LMNTD1: variants seen among roughly 807,000 people sequenced by gnomAD.
LMNTD1 encodes the protein lamin tail domain containing 1, also known as lamin tail domain-containing protein 1.
LMNTD1 carries 35 observed loss-of-function variants against 50.9 expected under a neutral mutation model. The observed-to-expected ratio is 0.69, with a 90% confidence interval of 0.53 to 0.91. The LOEUF is 0.91. Ranked by LOEUF, LMNTD1 falls within the 40% of genes least tolerant of loss-of-function variation. The pLI is 0.00. For synonymous variants in LMNTD1, 153 were observed against 161.9 expected (o/e 0.94, Z 0.42); for missense variants, 470 against 475.5 (o/e 0.99, Z 0.11).
At chr12:25,579,526 A>C (rs1215981065) in intron 1 of LMNTD1, among the ~76,000 whole-genome samples, 1 of 152,180 alleles carries the variant, frequency 6.6e-6, no homozygotes, top group Non-Finnish European at 1.5e-5. Flanking sequence ...ACTAATAAAT[A>C]GGGCAGGTGC....
At chr12:25,560,954 A>T (rs561633238) in intron 1 of LMNTD1, among the ~76,000 whole-genome samples, 1 of 152,064 alleles carries the variant, frequency 6.6e-6, no homozygotes. Flanking sequence ...GGGTTTTCTA[A>T]ATATACAATC....
intron 2 of LMNTD1, among the ~76,000 whole-genome samples, chr12:25,550,605 A>C (rs78086815): frequency 0.018 from 2,715 of 152,274 alleles, 83 homozygotes; most frequent in African/African-American, 0.062. Flanking sequence ...CAAAGCTCTT[A>C]TAAGATTATG....
intron 2 of LMNTD1, among the ~76,000 whole-genome samples, chr12:25,551,566 A>T (rs974090454): frequency 6.6e-6 from 1 of 151,984 alleles, no homozygotes; most frequent in Non-Finnish European, 1.5e-5. Context: ...TTTTGAAAAA[A>T]ATTTTGTAGA....
At chr12:25,644,173 A>T (rs1224158568) in intron 1 of LMNTD1, among the ~76,000 whole-genome samples, 1 of 151,928 alleles carries the variant, frequency 6.6e-6, no homozygotes, top group African/African-American at 2.4e-5. Flanking sequence ...AGATTCAGTA[A>T]ATGGTTAAGT....
chr12:25,551,243 C>T (rs1483407101), intron 2 of LMNTD1, among the ~76,000 whole-genome samples: 2 of 152,064 alleles, frequency 1.3e-5, no homozygotes, highest in Admixed American at 1.3e-4. Flanking sequence ...CAATTTTTTT[C>T]CTCTAGTAAA....
chr12:25,527,723 TAC>T (rs1555215338), intron 4 of LMNTD1, among the ~76,000 whole-genome samples: 1 of 123,306 alleles, frequency 8.1e-6, no homozygotes, highest in Non-Finnish European at 1.7e-5. Context: ...CACACACATA[TAC>T]ACACATATAT....
chr12:25,606,584 G>T (rs1454180320), intron 1 of LMNTD1, among the ~76,000 whole-genome samples: 2 of 152,276 alleles, frequency 1.3e-5, no homozygotes, highest in South Asian at 4.1e-4. Context: ...CATCTATTGA[G>T]ATAATCATGT....
intron 7 of LMNTD1, among the ~76,000 whole-genome samples, chr12:25,519,314 G>A (rs1404671404): frequency 6.6e-6 from 1 of 151,948 alleles, no homozygotes; most frequent in Admixed American, 6.6e-5. Context: ...AATGGCGGCC[G>A]GCCGCGGTGG....
chr12:25,619,252 C>CTCTCTCTCTCTCTCTA (rs1374134268), intron 1 of LMNTD1, among the ~76,000 whole-genome samples: 5 of 84,442 alleles, frequency 5.9e-5, no homozygotes, highest in South Asian at 4.1e-4. Context: ...CTCTCTCTCT[C>CTCTCTCTCTCTCTCTA]TATATATATA....
chr12:25,527,665 TATATATATATATATATACACAC>T (rs55798911), intron 4 of LMNTD1, among the ~76,000 whole-genome samples: 14,542 of 47,686 alleles, frequency 0.3, 1,728 homozygotes, highest in Non-Finnish European at 0.38. Context: ...TATATATATA[TATATATATATATATATACACAC>T]ACACACACAC....
chr12:25,519,013 C>A (rs369043185), intron 7 of LMNTD1, 46 bp from the exon 8 acceptor site: 2 of 1,580,754 alleles, frequency 1.3e-6, no homozygotes, highest in Non-Finnish European at 1.7e-6. Flanking sequence ...CCATTTTATG[C>A]TGTGGTGTTA....
At chr12:25,545,372 C>T (rs1008529714) in intron 4 of LMNTD1, among the ~76,000 whole-genome samples, 1 of 151,574 alleles carries the variant, frequency 6.6e-6, no homozygotes, top group Non-Finnish European at 1.5e-5. Flanking sequence ...TTGTCCTTGA[C>T]CTCTGGGGAG....
At chr12:25,511,324 T>G (rs1940275559) in intron 8 of LMNTD1, among the ~76,000 whole-genome samples, 1 of 152,050 alleles carries the variant, frequency 6.6e-6, no homozygotes, top group Non-Finnish European at 1.5e-5. Context: ...TTGATTATAC[T>G]TGGGAGTTGA....
chr12:25,538,715 A>C lies in LMNTD1; in HGVS notation c.491+7659T>G, dbSNP rs1238611118. On this transcript the variant is annotated intron_variant, in intron 4 of 9. Transcript: ENST00000458174. ...ATCATAATGACAGGATCAAATTCACACATAACACTATTAACTTTAAATGTA... is the reference window on the plus strand; with the variant it reads ...ATCATAATGACAGGATCAAATTCACCCATAACACTATTAACTTTAAATGTA... 1.8e-5 allele frequency among the ~76,000 whole-genome samples: 2 copies of C among 113,382 alleles called. 1 individual carries two copies. The highest frequency in any genetic ancestry group is 6.1e-5 in the African/African-American group (2 of 32,668). The allele number at this position is 113,382 out of a possible 152,430, so 74.4% of individuals were successfully genotyped here.
At chr12:25,566,701 G>T (rs1224139520) in intron 1 of LMNTD1, among the ~76,000 whole-genome samples, 1 of 152,150 alleles carries the variant, frequency 6.6e-6, no homozygotes, top group Non-Finnish European at 1.5e-5. Flanking sequence ...TGGTAACCAT[G>T]CATATAACAA....
chr12:25,590,193 C>A (rs143011648), intron 1 of LMNTD1, among the ~76,000 whole-genome samples: 1 of 152,186 alleles, frequency 6.6e-6, no homozygotes, highest in African/African-American at 2.4e-5. Context: ...CACCAACCGT[C>A]CCCCACTTCC....
intron 4 of LMNTD1, among the ~76,000 whole-genome samples, chr12:25,533,668 A>G (rs1942370961): frequency 6.6e-6 from 1 of 152,202 alleles, no homozygotes; most frequent in Non-Finnish European, 1.5e-5. Context: ...AAAGTTAGAA[A>G]GATTCAGGGA....
At position 25,553,076 on chromosome 12, in the gene LMNTD1, T is replaced by C. The variant is rs140992888; in HGVS notation, c.-38A>G. On this transcript the variant is annotated 5_prime_UTR_variant, in exon 1 of 10. Coordinates refer to ENST00000458174, the MANE Select transcript of LMNTD1 (RefSeq NM_001145728.2). ...TTTTCAAAGTGACCTCACCTGTTAA[T>C]CCAACTACCTTCAAGCATCAGCTAG... The C allele has an allele frequency of 1.9e-4, 309 of 1,613,570 alleles. 1 individual carries two copies. The Admixed American group carries it at 3.3e-3, about 17-fold the overall frequency.
At chr12:25,493,120 G>A (rs1234059925) in intron 9 of LMNTD1, among the ~76,000 whole-genome samples, 5 of 152,094 alleles carry the variant, frequency 3.3e-5, no homozygotes, top group Non-Finnish European at 7.4e-5. Context: ...TGGTTTTGTT[G>A]TAGTACTTCT....
Sources: gnomAD v4.1 joint callset for allele counts (sites outside exome capture counted in the v4.1 genomes callset) on GRCh38, gnomAD v4.1.1 for gene constraint, MANE v1.5 for transcripts, NCBI Gene and HGNC (gene_info 2026-07-23, HGNC 2026-07-21) for gene names.